Variants in SCFD2 observed in about 807,000 individuals in gnomAD.
SCFD2 encodes the protein sec1 family domain-containing protein 2.
In SCFD2, 54 loss-of-function variants were observed where a neutral mutation model predicts 58.9. The observed-to-expected ratio is 0.92, with a 90% CI of 0.74 to 1.15. The LOEUF (loss-of-function observed/expected upper bound fraction) is 1.15. SCFD2 is among the 50% of genes most tolerant of loss of function. The pLI is 0.00. For missense variants in SCFD2, 805 were observed against 836.6 expected (o/e 0.96, Z 0.47); for synonymous variants, 321 against 335.9 (o/e 0.96, Z 0.49).
chr4:52,986,111 A>G (rs534769455), intron 5 of SCFD2, among the ~76,000 whole-genome samples: 1 of 152,198 alleles, frequency 6.6e-6, no homozygotes, highest in African/African-American at 2.4e-5. Context: ...CTGGGGCTGG[A>G]GGCTGGCTTC....
intron 5 of SCFD2, among the ~76,000 whole-genome samples, chr4:53,031,281 C>G (rs1722609849): frequency 1.3e-5 from 2 of 152,148 alleles, no homozygotes; most frequent in Admixed American, 6.5e-5. Context: ...CCAAAGATAG[C>G]TAAATCCACA....
At chr4:53,158,184 T>A (rs896664845) in intron 4 of SCFD2, among the ~76,000 whole-genome samples, 44 of 152,160 alleles carry the variant, frequency 2.9e-4, no homozygotes, top group African/African-American at 1.1e-3. Flanking sequence ...GACTGGACCA[T>A]CCAACTATTT....
intron 5 of SCFD2, among the ~76,000 whole-genome samples, chr4:53,133,504 G>A (rs1187755875): frequency 6.6e-6 from 1 of 152,082 alleles, no homozygotes; most frequent in African/African-American, 2.4e-5. Context: ...TGCTAATGGA[G>A]ATGAAAGCTT....
chr4:53,106,544 AAAAAC>A (rs1182235693), intron 5 of SCFD2, among the ~76,000 whole-genome samples: 1 of 152,240 alleles, frequency 6.6e-6, no homozygotes, highest in Non-Finnish European at 1.5e-5. Flanking sequence ...GATGGAGCTG[AAAAAC>A]ACAGAGAACT....
At chr4:53,328,938 G>C (rs6856562) in intron 2 of SCFD2, among the ~76,000 whole-genome samples, 91,079 of 152,058 alleles carry the variant, frequency 0.6, 27,430 homozygotes, top group Middle Eastern at 0.66. Context: ...CTTGGGAAGC[G>C]CAAGGGGTCA....
At chr4:52,936,068 C>T (rs1720130009) in intron 5 of SCFD2, among the ~76,000 whole-genome samples, 1 of 152,076 alleles carries the variant, frequency 6.6e-6, no homozygotes, top group South Asian at 2.1e-4. Flanking sequence ...AACTCCCGAC[C>T]TCAGATGATC....
chr4:52,977,555 C>A (rs1476799404), intron 5 of SCFD2, among the ~76,000 whole-genome samples: 1 of 152,090 alleles, frequency 6.6e-6, no homozygotes, highest in Non-Finnish European at 1.5e-5. Context: ...ATACAGGCAT[C>A]TGGCAAGGAA....
intron 4 of SCFD2, among the ~76,000 whole-genome samples, chr4:53,221,094 C>G (rs975109550): frequency 8.5e-5 from 13 of 152,206 alleles, no homozygotes; most frequent in Admixed American, 2.6e-4. Flanking sequence ...TAAGTACCCA[C>G]AATTGGCCAG....
chr4:52,875,948 TG>T (rs1718463766), intron 8 of SCFD2, among the ~76,000 whole-genome samples: 1 of 150,682 alleles, frequency 6.6e-6, no homozygotes, highest in Non-Finnish European at 1.5e-5. Context: ...AAGGAGCCTT[TG>T]AGGACAGTGG....
chr4:53,005,110 C>A (rs1322933037), intron 5 of SCFD2, among the ~76,000 whole-genome samples: 3 of 152,106 alleles, frequency 2.0e-5, no homozygotes, highest in African/African-American at 7.2e-5. Context: ...GTTAGCCAGG[C>A]TGGTCTCGAA....
intron 5 of SCFD2, among the ~76,000 whole-genome samples, chr4:53,127,890 T>G (rs1725675045): frequency 6.6e-6 from 1 of 151,784 alleles, no homozygotes; most frequent in African/African-American, 2.4e-5. Flanking sequence ...GCACACTATT[T>G]GGTAACCATT....
chr4:53,031,914 A>G (rs1722625244), intron 5 of SCFD2, among the ~76,000 whole-genome samples: 1 of 152,200 alleles, frequency 6.6e-6, no homozygotes, highest in African/African-American at 2.4e-5. Context: ...ACAGGCCAAC[A>G]TTCAAATTCA....
chr4:53,171,410 T>G (rs754728794), intron 4 of SCFD2, among the ~76,000 whole-genome samples: 1 of 152,214 alleles, frequency 6.6e-6, no homozygotes, highest in Non-Finnish European at 1.5e-5. Context: ...TTGAATTCAG[T>G]TTGCTACTAC....
At chr4:53,311,285 T>C (rs1378881448) in intron 3 of SCFD2, among the ~76,000 whole-genome samples, 1 of 152,134 alleles carries the variant, frequency 6.6e-6, no homozygotes, top group East Asian at 1.9e-4. Context: ...CAATCCTCTG[T>C]TTTTTTCCTT....
intron 3 of SCFD2, among the ~76,000 whole-genome samples, chr4:53,286,818 A>G (rs1376194601): frequency 6.6e-6 from 1 of 151,866 alleles, no homozygotes; most frequent in Non-Finnish European, 1.5e-5. Flanking sequence ...AACAAAGCTA[A>G]AGTTGTGTAC....
In SCFD2 at chr4:53,133,043, T is replaced by G. The variant is rs542814139; in HGVS notation, c.1561+12290A>C. On this transcript the variant is annotated intron_variant, in intron 5 of 8. Transcript: ENST00000401642. ...CTCCTTGTCTTTTACAATTCTCTGT[T>G]TGAGGCCGGGTGCGGTGGCTCATGC... 1.2e-4 allele frequency among the ~76,000 whole-genome samples: 19 copies of G among 152,236 alleles called. No individual in the cohort carries two copies. In the South Asian group the frequency reaches 3.7e-3, roughly 30 times the overall value.
At chr4:53,088,044 C>T (rs1297876951) in intron 5 of SCFD2, among the ~76,000 whole-genome samples, 1 of 152,048 alleles carries the variant, frequency 6.6e-6, no homozygotes, top group African/African-American at 2.4e-5. Context: ...AGAGAAATGA[C>T]TTAAATATGA....
intron 7 of SCFD2, among the ~76,000 whole-genome samples, chr4:52,901,905 T>A (rs901395792): frequency 6.6e-6 from 1 of 152,212 alleles, no homozygotes; most frequent in South Asian, 2.1e-4. Flanking sequence ...ATGCAGATAA[T>A]CTTACATACA....
At chr4:53,343,465 C>G (rs1733951218) in intron 2 of SCFD2, among the ~76,000 whole-genome samples, 1 of 152,090 alleles carries the variant, frequency 6.6e-6, no homozygotes, top group African/African-American at 2.4e-5. Flanking sequence ...TAATTAATAG[C>G]CTACCCACCA....
Sources: gnomAD v4.1 joint callset for allele counts (sites outside exome capture counted in the v4.1 genomes callset) on GRCh38, gnomAD v4.1.1 for gene constraint, MANE v1.5 for transcripts, NCBI Gene and HGNC (gene_info 2026-07-23, HGNC 2026-07-21) for gene names.